The following VAPA variants were observed in gnomAD, a reference collection of about 807,000 sequenced individuals.
VAPA encodes vesicle-associated membrane protein-associated protein A.
A neutral mutation model predicts 25.6 loss-of-function variants in VAPA; 6 were observed. That is an observed-to-expected ratio of 0.23 (90% CI 0.13 to 0.46). VAPA has a LOEUF of 0.46. VAPA is among the 20% of genes least tolerant of loss of function. The pLI is 0.99. For synonymous variants in VAPA, 112 were observed against 106.2 expected, an observed-to-expected ratio of 1.05 and a Z score of -0.34; for missense variants, 244 against 302.1, an observed-to-expected ratio of 0.81 and a Z score of 1.43.
At chr18:9,930,257 AT>A (rs2069240107) in intron 1 of VAPA, among the ~76,000 whole-genome samples, 1 of 152,174 alleles carries the variant, frequency 6.6e-6, no homozygotes, top group Non-Finnish European at 1.5e-5. Flanking sequence ...CAAAATTAAA[AT>A]TTTGTGACAT....
At chr18:9,936,326 T>TA (rs2069309810) in intron 3 of VAPA, 113 bp downstream of exon 3, 1 of 587,496 alleles carries the variant, frequency 1.7e-6, no homozygotes, top group Non-Finnish European at 2.8e-6. Context: ...TTTAGGTTTT[T>TA]AAAAAACTGC....
chr18:9,914,169 C>A lies in VAPA; in HGVS notation c.-88C>A. ...CCGCGAGCCTGGCCTCGTCCTAGAGCTCGGCCGAGCCGTCGCCGCCGTCGT... is the reference window on the plus strand; with the variant it reads ...CCGCGAGCCTGGCCTCGTCCTAGAGATCGGCCGAGCCGTCGCCGCCGTCGT... On this transcript the variant is annotated 5_prime_UTR_variant, in exon 1 of 6. Coordinates refer to ENST00000400000, the MANE Select transcript of VAPA (RefSeq NM_194434.3). The A allele has an allele frequency of 8.1e-7, 1 of 1,234,958 alleles. No homozygotes were observed. The highest frequency in any genetic ancestry group is 1.1e-6 in the Non-Finnish European group (1 of 892,562). 76.5% of individuals were successfully genotyped at this position (1,234,958 alleles called of 1,614,324 possible).
At chr18:9,920,395 C>T (rs1333484300) in intron 1 of VAPA, among the ~76,000 whole-genome samples, 4 of 152,278 alleles carry the variant, frequency 2.6e-5, no homozygotes, top group African/African-American at 4.8e-5. Flanking sequence ...CTCTGCCTCC[C>T]GAGTTCAAGC....
intron 1 of VAPA, among the ~76,000 whole-genome samples, chr18:9,928,093 A>T (rs530130415): frequency 3.9e-4 from 59 of 152,210 alleles, no homozygotes; most frequent in African/African-American, 1.4e-3. Flanking sequence ...TGGACTAGTT[A>T]AAAAATTGTT....
intron 1 of VAPA, chr18:9,914,623 G>C (rs2069095273): frequency 6.6e-6 from 1 of 151,866 alleles, no homozygotes; most frequent in African/African-American, 2.4e-5. Context: ...GCCATCTTGC[G>C]GTCCCGCGGG....
chr18:9,950,128 C>A, intron 4 of VAPA: 1 of 335,534 alleles, frequency 3.0e-6, no homozygotes, highest in Non-Finnish European at 5.5e-6. Context: ...CTCTTGCTCT[C>A]TCAGCCTTTG....
chr18:9,949,235 T>C (rs1450480748), intron 4 of VAPA: 2 of 152,114 alleles, frequency 1.3e-5, no homozygotes, highest in South Asian at 4.1e-4. Flanking sequence ...AGAATTGAAG[T>C]AGGCTGCTTT....
chr18:9,950,605 G>A (rs1486915812), intron 5 of VAPA, 37 bp downstream of exon 5: 1 of 1,600,168 alleles, frequency 6.2e-7, no homozygotes, highest in Admixed American at 1.8e-5. Context: ...TGATTGAAAT[G>A]AAGGTATAGG....
rs1018408936 is a variant in VAPA at position 9,930,613 on chromosome 18, A to G, written c.80-1197A>G. On this transcript the variant is annotated intron_variant, in intron 1 of 5. Coordinates refer to ENST00000400000, the MANE Select transcript of VAPA (RefSeq NM_194434.3). Reference sequence around the variant, plus strand: ...GGGTTGAAGAAGCAGCAAGGGTTGTATGTTGTAAATGGAATGATTAGTTTG... The same window carrying G: ...GGGTTGAAGAAGCAGCAAGGGTTGTGTGTTGTAAATGGAATGATTAGTTTG... 5.3e-5 allele frequency among the ~76,000 whole-genome samples: 8 copies of G among 152,078 alleles called. No individual in the cohort carries two copies. In the East Asian group the frequency reaches 5.8e-4, roughly 11 times the overall value.
intron 4 of VAPA, among the ~76,000 whole-genome samples, chr18:9,942,826 A>G (rs1386182030): frequency 6.6e-6 from 1 of 152,206 alleles, no homozygotes; most frequent in African/African-American, 2.4e-5. Context: ...TAAACCATTC[A>G]TGAAGGACCC....
intron 3 of VAPA, chr18:9,936,681 G>A (rs2069313902): frequency 7.2e-6 from 2 of 276,128 alleles, no homozygotes; most frequent in Non-Finnish European, 1.3e-5. Context: ...CAGGAGGGGC[G>A]ACTGCACTCC....
At chr18:9,946,847 T>C (rs1007247812) in intron 4 of VAPA, among the ~76,000 whole-genome samples, 1 of 152,234 alleles carries the variant, frequency 6.6e-6, no homozygotes, top group Non-Finnish European at 1.5e-5. Context: ...ACTGTAAAAT[T>C]AAAATTTTTG....
At chr18:9,941,603 T>C (rs763898148) in intron 4 of VAPA, among the ~76,000 whole-genome samples, 1 of 151,940 alleles carries the variant, frequency 6.6e-6, no homozygotes, top group African/African-American at 2.4e-5. Context: ...ATAAAACTGG[T>C]TAAAAAAAAA....
intron 2 of VAPA, among the ~76,000 whole-genome samples, chr18:9,932,504 A>G (rs1173134401): frequency 1.3e-5 from 2 of 152,330 alleles, no homozygotes; most frequent in Middle Eastern, 3.4e-3. Flanking sequence ...TATGCTTGCC[A>G]TATATGGATT....
intron 1 of VAPA, among the ~76,000 whole-genome samples, chr18:9,918,318 G>A (rs1277814872): frequency 6.6e-6 from 1 of 152,116 alleles, no homozygotes; most frequent in Admixed American, 6.5e-5. Context: ...TCTAGTATGT[G>A]TCTCTCCCTG....
Position 9,958,112 on chromosome 18 carries a change from A to G in VAPA, c.*3901A>G, listed in dbSNP as rs2069569130. 6.6e-6 allele frequency: 1 copy of G among 152,260 alleles called. No homozygotes were observed. The highest frequency in any genetic ancestry group is 2.1e-4 in the South Asian group (1 of 4,838). The allele number at this position is 152,260 out of a possible 1,614,324, so 9.4% of individuals were successfully genotyped here. Reference sequence around the variant, plus strand: ...CTGCCTTTCAGCAGCATCAATTGCTAGGAACATTTCATTCATTTCCCTGTA... The same window carrying G: ...CTGCCTTTCAGCAGCATCAATTGCTGGGAACATTTCATTCATTTCCCTGTA... On this transcript the variant is annotated 3_prime_UTR_variant, in exon 6 of 6. Coordinates refer to ENST00000400000, the MANE Select transcript of VAPA (RefSeq NM_194434.3).
At chr18:9,926,621 C>T (rs542895959) in intron 1 of VAPA, among the ~76,000 whole-genome samples, 137 of 152,130 alleles carry the variant, frequency 9.0e-4, no homozygotes, top group Middle Eastern at 3.4e-3. Flanking sequence ...CAGAGGTGTT[C>T]GGGTAGATGC....
At chr18:9,937,843 TG>T (rs2069327268) in intron 4 of VAPA, among the ~76,000 whole-genome samples, 1 of 152,204 alleles carries the variant, frequency 6.6e-6, no homozygotes, top group Non-Finnish European at 1.5e-5. Context: ...CTTAATCTAG[TG>T]GCCATTTGCT....
intron 4 of VAPA, among the ~76,000 whole-genome samples, chr18:9,945,454 G>T (rs916377275): frequency 7.7e-6 from 1 of 129,822 alleles, no homozygotes; most frequent in Non-Finnish European, 1.6e-5. Flanking sequence ...CTGCCTCCCC[G>T]GTTCAAGGGA....
Sources: allele counts gnomAD v4.1 joint callset (sites outside exome capture counted in the v4.1 genomes callset), GRCh38; gene constraint gnomAD v4.1.1; transcripts MANE v1.5; gene names NCBI Gene and HGNC (gene_info 2026-07-23, HGNC 2026-07-21).